The following CTNNA2 variants were observed in gnomAD, a reference collection of about 807,000 sequenced individuals.
CTNNA2 encodes catenin alpha-2.
CTNNA2 carries 42 observed loss-of-function variants against 101.0 expected under a neutral mutation model. The ratio of observed to expected loss-of-function variants is 0.42; its 90% CI spans 0.32 to 0.54. The LOEUF (loss-of-function observed/expected upper bound fraction) is 0.54, where lower values mean the gene tolerates loss of function less well. Ranked by LOEUF, CTNNA2 falls within the 20% of genes least tolerant of loss-of-function variation. CTNNA2 has a pLI of 0.14. For synonymous variants in CTNNA2, 450 were observed against 456.4 expected, an observed-to-expected ratio of 0.99 and a Z score of 0.18; for missense variants, 871 against 1,223.1, an observed-to-expected ratio of 0.71 and a Z score of 4.29.
intron 7 of CTNNA2, among the ~76,000 whole-genome samples, chr2:80,003,384 A>G (rs1693099357): frequency 1.3e-5 from 2 of 152,200 alleles, no homozygotes; most frequent in Non-Finnish European, 2.9e-5. Context: ...AACTGCCAAC[A>G]GTATCCCTGG....
chr2:79,747,919 G>A (rs566056415), intron 3 of CTNNA2, among the ~76,000 whole-genome samples: 4 of 152,298 alleles, frequency 2.6e-5, no homozygotes, highest in South Asian at 4.1e-4. Flanking sequence ...ATTCAAAGAA[G>A]CATTACTATA....
chr2:80,331,066 C>CTTTCAGAA (rs1439434097), intron 7 of CTNNA2, among the ~76,000 whole-genome samples: 2 of 146,840 alleles, frequency 1.4e-5, no homozygotes, highest in East Asian at 4.0e-4. Context: ...CCACTAAAGG[C>CTTTCAGAA]TTTCAGAATT....
intron 1 of CTNNA2, among the ~76,000 whole-genome samples, chr2:79,635,450 A>G (rs1024605524): frequency 1.3e-5 from 2 of 149,414 alleles, no homozygotes; most frequent in Non-Finnish European, 3.0e-5. Flanking sequence ...CAGAAAAAAG[A>G]AAAAAAAAAG....
chr2:80,153,802 T>C (rs1703845745), intron 7 of CTNNA2, among the ~76,000 whole-genome samples: 1 of 152,218 alleles, frequency 6.6e-6, no homozygotes, highest in South Asian at 2.1e-4. Flanking sequence ...TTTTGTGAAG[T>C]TGATTGAGAT....
intron 1 of CTNNA2, among the ~76,000 whole-genome samples, chr2:79,533,821 C>A (rs1191809426): frequency 6.6e-6 from 1 of 152,060 alleles, no homozygotes; most frequent in Non-Finnish European, 1.5e-5. Flanking sequence ...AAAGAGGAAA[C>A]AACAAAACAC....
chr2:80,496,346 A>C lies in CTNNA2; in HGVS notation c.1291-48636A>C, dbSNP rs79726440. 4.9e-4 allele frequency among the ~76,000 whole-genome samples: 74 copies of C among 151,848 alleles called. No individual in the cohort carries two copies. In the East Asian group the frequency reaches 0.01, roughly 21 times the overall value. On this transcript the variant is annotated intron_variant, in intron 9 of 18. Coordinates refer to ENST00000402739, the MANE Select transcript of CTNNA2 (RefSeq NM_001282597.3). ...GGGTGTAATGTGTTATACACATATA[A>C]TGCCTGGCAAATACAAGGCACTAAT...
chr2:80,621,213 T>C (rs575438926), intron 18 of CTNNA2, among the ~76,000 whole-genome samples: 9 of 152,018 alleles, frequency 5.9e-5, no homozygotes, highest in African/African-American at 2.2e-4. Flanking sequence ...AAAAGAGATA[T>C]TCTAATGCAT....
chr2:79,406,478 T>G (rs1056022727), intron 4 of CTNNA2, among the ~76,000 whole-genome samples: 1 of 152,002 alleles, frequency 6.6e-6, no homozygotes, highest in Non-Finnish European at 1.5e-5. Context: ...CTGGAAAGAT[T>G]TAAATTCTGG....
intron 2 of CTNNA2, among the ~76,000 whole-genome samples, chr2:79,677,025 G>C (rs941909698): frequency 5.9e-5 from 9 of 152,002 alleles, no homozygotes; most frequent in African/African-American, 2.2e-4. Flanking sequence ...CACCTTCTAG[G>C]CTCAAGTGAT....
intron 1 of CTNNA2, among the ~76,000 whole-genome samples, chr2:79,588,564 T>C (rs1676642820): frequency 6.6e-6 from 1 of 152,194 alleles, no homozygotes; most frequent in South Asian, 2.1e-4. Context: ...AGAAATTAAT[T>C]AAACCATAGT....
In CTNNA2 at chr2:80,302,527, G is replaced by A. The variant is rs761157979; in HGVS notation, c.1057-90684G>A. 6.8e-6 allele frequency: 11 copies of A among 1,611,940 alleles called. No homozygotes were observed. The South Asian group carries it at 1.2e-4, about 18-fold the overall frequency. On this transcript the variant is annotated intron_variant, in intron 7 of 18. Transcript: ENST00000402739. This position sits in a 1 kb window ranked among gnomAD's most constrained non-coding sequence, Gnocchi z 6.4. ...GGAAGGAGAAGATGAGGGCCATGGT[G>A]CCCGTGACCACCTTGTGGATCTGCA...
intron 7 of CTNNA2, among the ~76,000 whole-genome samples, chr2:79,923,016 T>C (rs1034935085): frequency 6.6e-6 from 1 of 152,144 alleles, no homozygotes; most frequent in African/African-American, 2.4e-5. Context: ...TGGTAGACTC[T>C]GGACAAATAT....
intron 2 of CTNNA2, among the ~76,000 whole-genome samples, chr2:79,286,102 G>T (rs376223390): frequency 2.0e-5 from 3 of 151,688 alleles, no homozygotes; most frequent in Admixed American, 2.0e-4. Context: ...TTTTCCATTT[G>T]CTTGGTAGAT....
Position 80,232,345 on chromosome 2 carries a change from G to GTTTTTTTTTTTTTTTTTTTTTT in CTNNA2, c.1057-160844_1057-160823dup, listed in dbSNP as rs61454985. Among the ~76,000 whole-genome samples, 54 of 64,776 alleles carry GTTTTTTTTTTTTTTTTTTTTTT rather than the reference G, an allele frequency of 8.3e-4. 1 individual carries two copies. The highest frequency in any genetic ancestry group is 1.3e-3 in the African/African-American group (15 of 11,382). The allele number at this position is 64,776 out of a possible 152,430, so 42.5% of individuals were successfully genotyped here. A position where few individuals can be genotyped will look rare whatever the true frequency, so the allele number is the denominator to read the frequency against. ...GTTTTGTTTGTTTGTTTGTTTGTTT[G>GTTTTTTTTTTTTTTTTTTTTTT]TTTTTTTTTTTTTTTTTTTTTTTTT... On this transcript the variant is annotated intron_variant, in intron 7 of 18. Transcript: ENST00000402739.
intron 6 of CTNNA2, among the ~76,000 whole-genome samples, chr2:79,895,742 G>A (rs570874250): frequency 1.1e-3 from 161 of 140,630 alleles, no homozygotes; most frequent in Middle Eastern, 4.5e-3. Flanking sequence ...TATGGGTATC[G>A]TAAGGGAGAG....
At chr2:80,592,803 A>G (rs2149744945) in intron 15 of CTNNA2, among the ~76,000 whole-genome samples, 1 of 152,318 alleles carries the variant, frequency 6.6e-6, no homozygotes, top group Admixed American at 6.5e-5. Flanking sequence ...CAGAATTTGA[A>G]TTTTGAATAT....
chr2:80,596,371 G>A (rs1368107595), intron 15 of CTNNA2, among the ~76,000 whole-genome samples: 15 of 127,534 alleles, frequency 1.2e-4, no homozygotes, highest in South Asian at 2.6e-4. Context: ...GTGCAGTGGC[G>A]TGATCTCGGC....
At chr2:80,495,881 A>G (rs994709208) in intron 9 of CTNNA2, among the ~76,000 whole-genome samples, 1 of 137,892 alleles carries the variant, frequency 7.3e-6, no homozygotes, top group Non-Finnish European at 1.5e-5. Context: ...CGGAGGTTTC[A>G]GTGAGCCGAG....
intron 1 of CTNNA2, among the ~76,000 whole-genome samples, chr2:79,649,715 A>C (rs1681083934): frequency 1.3e-5 from 2 of 152,234 alleles, no homozygotes; most frequent in South Asian, 4.1e-4. Flanking sequence ...GTTGTGATGA[A>C]GAAACCCAAA....
Sources: gnomAD v4.1 joint callset for allele counts (sites outside exome capture counted in the v4.1 genomes callset) on GRCh38, gnomAD v4.1.1 for gene constraint, Gnocchi (gnomAD v3.1) non-coding constraint, MANE v1.5 for transcripts, NCBI Gene and HGNC (gene_info 2026-07-23, HGNC 2026-07-21) for gene names.